Variants in KIAA1217 observed in about 807,000 individuals in gnomAD.
The protein encoded by KIAA1217 is sickle tail protein homolog.
In KIAA1217, 88 loss-of-function variants were observed where a neutral mutation model predicts 163.9. That is an observed-to-expected ratio of 0.54 (90% CI 0.45 to 0.64). The LOEUF (loss-of-function observed/expected upper bound fraction) is 0.64. Among genes scored for constraint, KIAA1217 ranks in the 30% least tolerant of loss-of-function variants. The probability of loss-of-function intolerance (pLI) is 0.00; values close to 1 mark genes in which losing one functional copy is unlikely to be tolerated. For synonymous variants in KIAA1217, 903 were observed against 923.1 expected, an observed-to-expected ratio of 0.98 and a Z score of 0.39; for missense variants, 2,372 against 2,475.0, an observed-to-expected ratio of 0.96 and a Z score of 0.88.
intron 1 of KIAA1217, among the ~76,000 whole-genome samples, chr10:23,882,562 A>G (rs779346018): frequency 5.3e-5 from 8 of 152,020 alleles, no homozygotes; most frequent in Admixed American, 3.3e-4. Flanking sequence ...TATCCCTTAT[A>G]TTGATTTATT....
chr10:24,522,508 G>A (rs1255951770), intron 12 of KIAA1217, among the ~76,000 whole-genome samples: 4 of 152,124 alleles, frequency 2.6e-5, no homozygotes, highest in South Asian at 2.1e-4. Flanking sequence ...TGAGACTGTT[G>A]GTCCCACCTA....
At chr10:24,526,949 A>G (rs954500953) in intron 13 of KIAA1217, among the ~76,000 whole-genome samples, 3 of 152,140 alleles carry the variant, frequency 2.0e-5, no homozygotes, top group Non-Finnish European at 4.4e-5. Context: ...ATGTTGATTC[A>G]ATGATCTTTG....
chr10:23,989,451 T>C (rs1221188081), intron 1 of KIAA1217, among the ~76,000 whole-genome samples: 1 of 152,166 alleles, frequency 6.6e-6, no homozygotes, highest in Non-Finnish European at 1.5e-5. Flanking sequence ...CTAATGTTGA[T>C]AAACTTGGGG....
At chr10:24,441,658 C>G (rs2060506092) in intron 5 of KIAA1217, among the ~76,000 whole-genome samples, 1 of 152,108 alleles carries the variant, frequency 6.6e-6, no homozygotes, top group African/African-American at 2.4e-5. Flanking sequence ...ATACCTGGCT[C>G]CTGTTTCTCT....
chr10:24,499,191 A>G (rs2067196403), intron 8 of KIAA1217, among the ~76,000 whole-genome samples: 1 of 152,176 alleles, frequency 6.6e-6, no homozygotes, highest in Admixed American at 6.5e-5. Flanking sequence ...TGTAAGGAAA[A>G]CTTCCAATGG....
At chr10:23,768,744 A>G (rs963059905) in intron 1 of KIAA1217, among the ~76,000 whole-genome samples, 3 of 152,166 alleles carry the variant, frequency 2.0e-5, no homozygotes, top group Admixed American at 2.0e-4. Flanking sequence ...ACCATTTAGC[A>G]CAGCCCAGAG....
In KIAA1217 at chr10:23,717,272, AT is replaced by A. The variant is rs566192928; in HGVS notation, c.-321+22048del. Among the ~76,000 whole-genome samples the A allele has an allele frequency of 5.7e-4, 85 of 149,926 alleles. 2 individuals carry two copies. The highest frequency in any genetic ancestry group is 4.3e-3 in the Admixed American group (64 of 14,988). On this transcript the variant is annotated intron_variant, in intron 1 of 18. Transcript: ENST00000376462. ...GAAATAGGTTGAATTCCGCTTTTAGATTTTTTTTTTGCTCTGAATTAAGCTC... is the reference window on the plus strand; with the variant it reads ...GAAATAGGTTGAATTCCGCTTTTAGATTTTTTTTTGCTCTGAATTAAGCTC...
intron 1 of KIAA1217, among the ~76,000 whole-genome samples, chr10:23,886,096 G>T (rs565432258): frequency 3.9e-5 from 6 of 151,912 alleles, no homozygotes; most frequent in African/African-American, 1.4e-4. Context: ...CAGTGCCGAG[G>T]GTGGCTGTAG....
chr10:24,358,855 A>G (rs1319609696), intron 2 of KIAA1217, among the ~76,000 whole-genome samples: 5 of 152,150 alleles, frequency 3.3e-5, no homozygotes, highest in Admixed American at 3.3e-4. Flanking sequence ...TTGTATGCAT[A>G]TATATACACA....
intron 2 of KIAA1217, among the ~76,000 whole-genome samples, chr10:24,032,704 A>G (rs1848237373): frequency 6.6e-6 from 1 of 152,200 alleles, no homozygotes. Flanking sequence ...AATATATATT[A>G]CTGTTATTAC....
rs539569538 is a variant in KIAA1217 at position 24,080,526 on chromosome 10, C to T, written c.-171+73152C>T. 1.5e-4 allele frequency among the ~76,000 whole-genome samples: 23 copies of T among 152,258 alleles called. 1 individual carries two copies. The South Asian group carries it at 4.4e-3, about 29-fold the overall frequency. On this transcript the variant is annotated intron_variant, in intron 2 of 18. Transcript: ENST00000376462. ...CATCAACCACCCATGAAACTAGAAG[C>T]TCCCCTTGTGATTTATTATTACAAT...
chr10:24,004,158 T>C (rs1846881572), intron 1 of KIAA1217, among the ~76,000 whole-genome samples: 2 of 152,086 alleles, frequency 1.3e-5, no homozygotes, highest in Admixed American at 1.3e-4. Flanking sequence ...TTTTGTATTT[T>C]AGTAGAGACG....
chr10:24,509,416 G>C (rs1349885532), intron 9 of KIAA1217, among the ~76,000 whole-genome samples: 1 of 152,188 alleles, frequency 6.6e-6, no homozygotes, highest in Non-Finnish European at 1.5e-5. Context: ...CCGCTTTCTA[G>C]ACAGGAGGAT....
At chr10:23,988,316 G>T (rs758423106) in intron 1 of KIAA1217, among the ~76,000 whole-genome samples, 1 of 152,196 alleles carries the variant, frequency 6.6e-6, no homozygotes, top group Non-Finnish European at 1.5e-5. Context: ...ACTTTAAGGC[G>T]TTCCTATAAT....
intron 2 of KIAA1217, among the ~76,000 whole-genome samples, chr10:24,226,352 T>C (rs573869643): frequency 3.9e-5 from 6 of 152,088 alleles, no homozygotes; most frequent in East Asian, 3.9e-4. Context: ...TCTGACTGGG[T>C]GCGGTGGCTC....
chr10:23,832,812 A>G (rs1838272732), intron 1 of KIAA1217, among the ~76,000 whole-genome samples: 3 of 152,198 alleles, frequency 2.0e-5, no homozygotes, highest in African/African-American at 7.2e-5. Context: ...CAAAAGAAAG[A>G]GGTTTAATGG....
At chr10:24,305,694 C>A (rs140696234) in intron 2 of KIAA1217, among the ~76,000 whole-genome samples, 20 of 152,290 alleles carry the variant, frequency 1.3e-4, no homozygotes, top group African/African-American at 4.6e-4. Context: ...ATTACAACAT[C>A]TACTTGGATG....
At chr10:24,057,753 G>T (rs1387668411) in intron 2 of KIAA1217, among the ~76,000 whole-genome samples, 2 of 152,112 alleles carry the variant, frequency 1.3e-5, no homozygotes. Flanking sequence ...AGATTATTAG[G>T]TTTTTTTGCT....
At chr10:24,117,301 T>C (rs2063098535) in intron 2 of KIAA1217, among the ~76,000 whole-genome samples, 1 of 152,140 alleles carries the variant, frequency 6.6e-6, no homozygotes, top group Non-Finnish European at 1.5e-5. Flanking sequence ...CCTCCCAAAG[T>C]GCTGGGATTA....
Sources: gnomAD v4.1 joint callset for allele counts (sites outside exome capture counted in the v4.1 genomes callset) on GRCh38, gnomAD v4.1.1 for gene constraint, MANE v1.5 for transcripts, NCBI Gene and HGNC (gene_info 2026-07-23, HGNC 2026-07-21) for gene names.